ZNF469: variants seen among roughly 807,000 people sequenced by gnomAD.
ZNF469 encodes the protein zinc finger protein 469.
ZNF469 carries 1 observed loss-of-function variant against 1.0 expected under a neutral mutation model. The ratio of observed to expected loss-of-function variants is 1.00; its 90% CI spans 0.35 to 4.73. ZNF469 has a LOEUF of 4.73. Among genes scored for constraint, ZNF469 ranks in the 30% most tolerant of loss-of-function variants. The probability of loss-of-function intolerance (pLI) is 0.16; values close to 1 mark genes in which losing one functional copy is unlikely to be tolerated. For synonymous variants in ZNF469, 2,703 were observed against 2,363.4 expected, an observed-to-expected ratio of 1.14 and a Z score of -4.17; for missense variants, 6,100 against 5,356.3, an observed-to-expected ratio of 1.14 and a Z score of -4.33.
chr16:88,277,023 G>A, the ZNF469 span, among the ~76,000 whole-genome samples: 28 of 148,030 alleles, frequency 1.9e-4, no homozygotes, highest in Admixed American at 2.7e-4. Context: ...CCACGCTGAC[G>A]CTTGGTCAGT....
the ZNF469 span, among the ~76,000 whole-genome samples, chr16:88,311,643 G>T: frequency 5.3e-5 from 8 of 152,136 alleles, no homozygotes; most frequent in African/African-American, 1.7e-4. Context: ...AGGGGTGTCT[G>T]GTGGTTTCAG....
At chr16:88,425,325 AG>A (rs1905650982) in intron 2 of ZNF469, among the ~76,000 whole-genome samples, 2 of 152,040 alleles carry the variant, frequency 1.3e-5, no homozygotes, top group African/African-American at 4.8e-5. Context: ...GGCCATGGGT[AG>A]GGGGGTCTGA....
intron 1 of ZNF469, among the ~76,000 whole-genome samples, chr16:88,399,721 C>G (rs4782348): frequency 0.26 from 39,134 of 152,252 alleles, 5,607 homozygotes; most frequent in African/African-American, 0.39. Flanking sequence ...CAGCCTCACT[C>G]CTGCAGCCTG....
In ZNF469 at chr16:88,438,720, C is replaced by A. The variant is rs1174709702; in HGVS notation, c.11250C>A (p.Pro3750=). ...PGTKTGGGSQ[P]QPASGQLQSE... Reference sequence around the variant, plus strand: ...CCAAGACAGGAGGTGGCAGCCAGCCCCAGCCAGCCAGCGGGCAGCTCCAGA... The same window carrying A: ...CCAAGACAGGAGGTGGCAGCCAGCCACAGCCAGCCAGCGGGCAGCTCCAGA... Residue 3750 remains proline (P), a synonymous_variant, in exon 3 of 3, where the codon CCC becomes CCA. Transcript: ENST00000565624. The A allele has an allele frequency of 6.5e-7, 1 of 1,550,050 alleles. No individual in the cohort carries two copies. The highest frequency in any genetic ancestry group is 2.4e-5 in the East Asian group (1 of 40,900).
chr16:88,123,083 G>C, the ZNF469 span, among the ~76,000 whole-genome samples: 4 of 152,252 alleles, frequency 2.6e-5, no homozygotes, highest in African/African-American at 4.8e-5. Context: ...TTAGTGGTTT[G>C]AATGGCATAT....
the ZNF469 span, among the ~76,000 whole-genome samples, chr16:88,193,144 G>GTGTTGA: frequency 1.4e-4 from 5 of 36,568 alleles, no homozygotes; most frequent in African/African-American, 4.6e-4. Flanking sequence ...GGTGGTGATG[G>GTGTTGA]TGGTGGGGAT....
At chr16:88,128,603 C>A in the ZNF469 span, among the ~76,000 whole-genome samples, 4 of 152,180 alleles carry the variant, frequency 2.6e-5, no homozygotes, top group Admixed American at 6.5e-5. Flanking sequence ...ACAGCTCAGA[C>A]AAGAGACCCC....
chr16:88,422,668 G>C (rs1446735554), intron 1 of ZNF469, among the ~76,000 whole-genome samples: 1 of 146,064 alleles, frequency 6.8e-6, no homozygotes, highest in East Asian at 2.2e-4. Flanking sequence ...GGATGGATGG[G>C]TGGGTAGATG....
chr16:88,269,007 T>C, the ZNF469 span, among the ~76,000 whole-genome samples: 1 of 151,940 alleles, frequency 6.6e-6, no homozygotes, highest in African/African-American at 2.4e-5. Flanking sequence ...GGAGGAGAGA[T>C]GGTATTTCAG....
chr16:88,111,343 T>C, the ZNF469 span, among the ~76,000 whole-genome samples: 1 of 152,210 alleles, frequency 6.6e-6, no homozygotes, highest in African/African-American at 2.4e-5. Flanking sequence ...AACAATCACA[T>C]CAGAGAGAAT....
upstream of ZNF469, among the ~76,000 whole-genome samples, chr16:88,380,030 C>G (rs1272288299): frequency 1.3e-5 from 2 of 152,126 alleles, no homozygotes; most frequent in African/African-American, 4.8e-5. Flanking sequence ...AACTTGTGTG[C>G]ATGCATACAC....
chr16:88,437,303 C>G lies in ZNF469; in HGVS notation c.9833C>G (p.Thr3278Ser). 6.5e-7 allele frequency: 1 copy of G among 1,547,446 alleles called. No individual in the cohort carries two copies. The highest frequency in any genetic ancestry group is 8.7e-7 in the Non-Finnish European group (1 of 1,145,358). ...AGGGCGAAACCCCGGGCACGCAGCA[C>G]CCCCAGCAACCCAGACGGGGCCGCG... ...GERAKPRARS[T>S]PSNPDGAATP... Residue 3278 changes from threonine to serine, a missense_variant, in exon 3 of 3, where the codon ACC becomes AGC. Coordinates refer to ENST00000565624, the MANE Select transcript of ZNF469 (RefSeq NM_001367624.2).
chr16:88,429,588 C>T lies in ZNF469; in HGVS notation c.2118C>T (p.Pro706=). 1 of 1,549,678 alleles carries T rather than the reference C, an allele frequency of 6.5e-7. No individual in the cohort carries two copies. The highest frequency in any genetic ancestry group is 2.4e-5 in the East Asian group (1 of 40,900). The change falls in exon 3 of 3, where the codon CCC becomes CCT. Residue 706 remains proline (P), a synonymous_variant. Coordinates refer to ENST00000565624, the MANE Select transcript of ZNF469 (RefSeq NM_001367624.2). Reference sequence around the variant, plus strand: ...GTCGGGGAGGGCTGCAGGGCTTCCCCCGTGCGCCGCCTCCGTACCCCACAC... The same window carrying T: ...GTCGGGGAGGGCTGCAGGGCTTCCCTCGTGCGCCGCCTCCGTACCCCACAC... The part of the protein sequence containing the change: ...EVGRGGLQGF[P]RAPPPYPTHH...
In ZNF469 at chr16:88,435,103, G is replaced by A; in HGVS notation, c.7633G>A (p.Asp2545Asn). ...GKERPNHSRG[D>N]PSHVTQPPPA... ...GGAGAGACCAAATCACTCACGGGGA[G>A]ACCCCAGCCACGTCACCCAGCCACC... The change falls in exon 3 of 3, where the codon GAC (aspartate) becomes AAC (asparagine). Residue 2545 changes from aspartate to asparagine, a missense_variant. Transcript: ENST00000565624. 1 of 1,550,374 alleles carries A rather than the reference G, an allele frequency of 6.5e-7. No individual in the cohort carries two copies. Among genetic ancestry groups the A allele is most frequent in the Non-Finnish European group, 8.7e-7 (1 of 1,146,990 alleles).
the ZNF469 span, among the ~76,000 whole-genome samples, chr16:88,340,225 C>T: frequency 2.0e-5 from 3 of 152,182 alleles, no homozygotes; most frequent in African/African-American, 7.2e-5. Flanking sequence ...ACCTGCAGAG[C>T]AGGGGGAGCC....
At chr16:88,193,472 G>A in the ZNF469 span, 1 of 152,278 alleles carries the variant, frequency 6.6e-6, no homozygotes, top group East Asian at 1.9e-4. Context: ...GCTGAGGCTG[G>A]AGGATCACTT....
At chr16:88,322,811 G>T in the ZNF469 span, among the ~76,000 whole-genome samples, 1 of 152,166 alleles carries the variant, frequency 6.6e-6, no homozygotes, top group African/African-American at 2.4e-5. Context: ...GGGAACCATC[G>T]AATGGACTTG....
At chr16:88,203,866 G>A in the ZNF469 span, among the ~76,000 whole-genome samples, 18 of 152,248 alleles carry the variant, frequency 1.2e-4, no homozygotes, top group East Asian at 1.7e-3. Context: ...CCAACAAAGC[G>A]ACACTCACAC....
the ZNF469 span, among the ~76,000 whole-genome samples, chr16:88,222,536 T>A: frequency 6.6e-6 from 1 of 152,182 alleles, no homozygotes; most frequent in South Asian, 2.1e-4. Context: ...GGCAGGTGGA[T>A]CGCCTGAGGT....
Sources: gnomAD v4.1 joint callset for allele counts (sites outside exome capture counted in the v4.1 genomes callset) on GRCh38, gnomAD v4.1.1 for gene constraint, MANE v1.5 for transcripts, NCBI Gene and HGNC (gene_info 2026-07-23, HGNC 2026-07-21) for gene names.